The following SCAMP2 variants were observed in gnomAD, a reference collection of about 807,000 sequenced individuals.
The protein encoded by SCAMP2 is secretory carrier-associated membrane protein 2.
SCAMP2 carries 25 observed loss-of-function variants against 44.1 expected under a neutral mutation model. The ratio of observed to expected loss-of-function variants is 0.57; its 90% confidence interval spans 0.41 to 0.79. The LOEUF (loss-of-function observed/expected upper bound fraction) is 0.79, where lower values mean the gene tolerates loss of function less well. SCAMP2 is among the 30% of genes least tolerant of loss of function. The pLI, the probability that SCAMP2 is intolerant of heterozygous loss-of-function variation, is 0.00. For synonymous variants in SCAMP2, 156 were observed against 166.0 expected, an observed-to-expected ratio of 0.94 and a Z score of 0.46; for missense variants, 355 against 411.0, an observed-to-expected ratio of 0.86 and a Z score of 1.18.
At chr15:74,855,337 C>T (rs531437229) in intron 1 of SCAMP2, among the ~76,000 whole-genome samples, 3 of 152,124 alleles carry the variant, frequency 2.0e-5, no homozygotes, top group Admixed American at 6.5e-5. Context: ...CTCTTGACCT[C>T]GTGATCTGCC....
rs767965502 is a variant in SCAMP2, at chr15:74,845,500, G to C, written c.828C>G (p.Ala276=). Residue 276 remains alanine (A), a synonymous_variant, in exon 8 of 9, where the codon GCC becomes GCG. Coordinates refer to ENST00000268099, the MANE Select transcript of SCAMP2 (RefSeq NM_005697.5). ...MVVAGFFTLC[A]VLSVFLLQRV... ...GCTGCAGGAGGAAGACTGAGAGCAC[G>C]GCACAGAGGGTGAAGAAGCCAGCCA... 1 of 1,614,154 alleles carries C rather than the reference G, an allele frequency of 6.2e-7. No individual in the cohort carries two copies. Among genetic ancestry groups the C allele is most frequent in the Admixed American group, 1.7e-5 (1 of 60,026 alleles).
At position 74,859,055 on chromosome 15, in the gene SCAMP2, A is replaced by G. The variant is rs148354780; in HGVS notation, c.58-4406T>C. ...GATTTCCTGACCTTGTGATCCGCCC[A>G]CCTCAGCCTCCGAAAGTGGTGGGAT... On this transcript the variant is annotated intron_variant, in intron 1 of 8. Transcript: ENST00000268099. Among the ~76,000 whole-genome samples, 307 of 151,618 alleles carry G rather than the reference A, an allele frequency of 2.0e-3. 1 individual carries two copies. In the East Asian group the frequency reaches 0.056, roughly 28 times the overall value.
intron 1 of SCAMP2, among the ~76,000 whole-genome samples, chr15:74,860,878 TAATA>T (rs2064499066): frequency 6.8e-6 from 1 of 146,776 alleles, no homozygotes; most frequent in African/African-American, 2.5e-5. Flanking sequence ...ATAATAATAA[TAATA>T]AATAAATTCT....
At chr15:74,859,561 G>T (rs1263307150) in intron 1 of SCAMP2, among the ~76,000 whole-genome samples, 2 of 151,968 alleles carry the variant, frequency 1.3e-5, no homozygotes, top group Non-Finnish European at 2.9e-5. Flanking sequence ...AGTGAGGGAA[G>T]AGAGGCAGGC....
chr15:74,873,135 G>A (rs2064588606), intron 1 of SCAMP2, 64 bp downstream of exon 1: 3 of 1,329,124 alleles, frequency 2.3e-6, no homozygotes, highest in Middle Eastern at 1.9e-4. Context: ...CTAGCGAGAG[G>A]CCCGGGCGGC....
chr15:74,870,643 T>C (rs1374494880), intron 1 of SCAMP2, among the ~76,000 whole-genome samples: 2 of 152,236 alleles, frequency 1.3e-5, no homozygotes, highest in Non-Finnish European at 2.9e-5. Context: ...GCAAACGCTC[T>C]GTCAAGAAAC....
chr15:74,867,840 A>C (rs1333965532), intron 1 of SCAMP2, among the ~76,000 whole-genome samples: 1 of 152,246 alleles, frequency 6.6e-6, no homozygotes, highest in Non-Finnish European at 1.5e-5. Context: ...TTCTCTGTTC[A>C]ATGCCACCAC....
intron 1 of SCAMP2, among the ~76,000 whole-genome samples, chr15:74,867,038 G>A (rs1395742016): frequency 1.3e-5 from 2 of 152,060 alleles, no homozygotes; most frequent in Admixed American, 1.3e-4. Context: ...CTTGTGATCC[G>A]CCCGCCTTGG....
intron 1 of SCAMP2, among the ~76,000 whole-genome samples, chr15:74,862,289 ATT>A (rs2064511595): frequency 9.2e-6 from 1 of 108,236 alleles, no homozygotes; most frequent in African/African-American, 5.9e-5. Context: ...AAAAAAAAAA[ATT>A]CCTGGCCAGG....
chr15:74,848,400 A>C (rs924541720), intron 7 of SCAMP2, 200 bp downstream of exon 7: 2 of 495,684 alleles, frequency 4.0e-6, no homozygotes, highest in Non-Finnish European at 7.2e-6. Context: ...CTTTAGTATC[A>C]AGGAGAAAAA....
rs944388187 is a variant in SCAMP2 at position 74,844,400 on chromosome 15, G to A, written c.*683C>T. 2 of 152,262 alleles carry A rather than the reference G, an allele frequency of 1.3e-5. No individual in the cohort carries two copies. The highest frequency in any genetic ancestry group is 4.8e-5 in the African/African-American group (2 of 41,438). The allele number at this position is 152,262 out of a possible 1,614,324, so 9.4% of individuals were successfully genotyped here. A position where few individuals can be genotyped will look rare whatever the true frequency, so the allele number is the denominator to read the frequency against. On this transcript the variant is annotated 3_prime_UTR_variant, in exon 9 of 9. Transcript: ENST00000268099. ...GAGAGTAAGGCTCAGCAAGGGGAGGGCTCCAGAGGGCTCAAAGTGCCATCC... is the reference window on the plus strand; with the variant it reads ...GAGAGTAAGGCTCAGCAAGGGGAGGACTCCAGAGGGCTCAAAGTGCCATCC...
Position 74,873,222 on chromosome 15 carries a change from G to T in SCAMP2, c.34C>A (p.Pro12Thr), listed in dbSNP as rs1391194182. The change falls in exon 1 of 9, where the codon CCA becomes ACA. Residue 12 changes from proline to threonine, a missense_variant. Transcript: ENST00000268099. ...SAFDTNPFAD[P>T]VDVNPFQDPS... ...ACCTGGAAGGGGTTTACATCCACTG[G>T]GTCCGCGAAGGGGTTGGTGTCGAAA... 6.9e-7 allele frequency: 1 copy of T among 1,459,324 alleles called. No individual in the cohort carries two copies. The highest frequency in any genetic ancestry group is 1.5e-5 in the African/African-American group (1 of 66,606). The allele number at this position is 1,459,324 out of a possible 1,614,324, so 90.4% of individuals were successfully genotyped here.
Position 74,845,311 on chromosome 15 carries a change from CCTGG to C in SCAMP2, c.856-98_856-95del, listed in dbSNP as rs985230716. 22 of 1,579,620 alleles carry C rather than the reference CCTGG, an allele frequency of 1.4e-5. 1 individual carries two copies. In the Admixed American group the frequency reaches 1.9e-4, roughly 13 times the overall value. On this transcript the variant is annotated intron_variant, in intron 8 of 8. Transcript: ENST00000268099. Reference sequence around the variant, plus strand: ...ATACTCCCAAAGGGGTCACCAGAAGCCTGGCACTGCCTGACCCCCCACCCAGATC... The same window carrying C: ...ATACTCCCAAAGGGGTCACCAGAAGCCACTGCCTGACCCCCCACCCAGATC...
intron 1 of SCAMP2, among the ~76,000 whole-genome samples, chr15:74,868,280 G>A (rs1035677731): frequency 1.3e-5 from 2 of 152,132 alleles, no homozygotes; most frequent in African/African-American, 4.8e-5. Context: ...TAATCATCCC[G>A]ATCATAACCA....
intron 1 of SCAMP2, among the ~76,000 whole-genome samples, chr15:74,867,894 A>G (rs182592387): frequency 6.6e-6 from 1 of 152,362 alleles, no homozygotes; most frequent in African/African-American, 2.4e-5. Flanking sequence ...TCTGCCTGGG[A>G]TAATCTGGCA....
In SCAMP2 at chr15:74,844,330, T is replaced by C. The variant is rs574208001; in HGVS notation, c.*753A>G. 6.6e-6 allele frequency: 1 copy of C among 152,134 alleles called. No individual in the cohort carries two copies. The highest frequency in any genetic ancestry group is 2.4e-5 in the African/African-American group (1 of 41,452). The allele number at this position is 152,134 out of a possible 1,614,324, so 9.4% of individuals were successfully genotyped here. A position where few individuals can be genotyped will look rare whatever the true frequency, so the allele number is the denominator to read the frequency against. On this transcript the variant is annotated 3_prime_UTR_variant, in exon 9 of 9. Coordinates refer to ENST00000268099, the MANE Select transcript of SCAMP2 (RefSeq NM_005697.5). ...GGTCAGTGTCCTTGGTCCCTTCCAG[T>C]CCCCAAATCCCAACCAACGGCATTG...
chr15:74,850,512 A>G lies in SCAMP2; in HGVS notation c.632+2T>C. 6.2e-7 allele frequency: 1 copy of G among 1,613,554 alleles called. No individual in the cohort carries two copies. The highest frequency in any genetic ancestry group is 8.5e-7 in the Non-Finnish European group (1 of 1,179,690). Reference sequence around the variant, plus strand: ...CTCACCCCTTGCCCCGGCCTCACTCACCTAAAGGCCTTATAGATGGGTCGG... The same window carrying G: ...CTCACCCCTTGCCCCGGCCTCACTCGCCTAAAGGCCTTATAGATGGGTCGG... On this transcript the variant is annotated splice_donor_variant, in intron 6 of 8. Transcript: ENST00000268099. LOFTEE classifies it high-confidence loss of function.
At chr15:74,863,685 C>G (rs2064523882) in intron 1 of SCAMP2, among the ~76,000 whole-genome samples, 1 of 152,178 alleles carries the variant, frequency 6.6e-6, no homozygotes, top group African/African-American at 2.4e-5. Flanking sequence ...AAATGGGACA[C>G]TTACTATCTC....
intron 1 of SCAMP2, among the ~76,000 whole-genome samples, chr15:74,865,354 C>T (rs2064535203): frequency 6.9e-6 from 1 of 144,980 alleles, no homozygotes; most frequent in Admixed American, 7.2e-5. Flanking sequence ...GCACTCCAGC[C>T]TGGGCAACAG....
Sources: gnomAD v4.1 joint callset for allele counts (sites outside exome capture counted in the v4.1 genomes callset) on GRCh38, gnomAD v4.1.1 for gene constraint, MANE v1.5 for transcripts, NCBI Gene and HGNC (gene_info 2026-07-23, HGNC 2026-07-21) for gene names.